PDLIM1: variants seen among roughly 807,000 people sequenced by gnomAD.
PDLIM1 encodes the protein PDZ and LIM domain protein 1.
PDLIM1 carries 25 observed loss-of-function variants against 35.2 expected under a neutral mutation model. The ratio of observed to expected loss-of-function variants is 0.71; its 90% CI spans 0.52 to 0.99. The LOEUF (loss-of-function observed/expected upper bound fraction) is 0.99, where lower values mean the gene tolerates loss of function less well. Among genes scored for constraint, PDLIM1 ranks in the 50% least tolerant of loss-of-function variants. The pLI, the probability that PDLIM1 is intolerant of heterozygous loss-of-function variation, is 0.00. For synonymous variants in PDLIM1, 152 were observed against 154.0 expected, an observed-to-expected ratio of 0.99 and a Z score of 0.10; for missense variants, 363 against 415.3, an observed-to-expected ratio of 0.87 and a Z score of 1.09.
intron 4 of PDLIM1, among the ~76,000 whole-genome samples, chr10:95,258,879 C>T (rs780746514): frequency 6.6e-5 from 10 of 152,048 alleles, no homozygotes; most frequent in Non-Finnish European, 1.5e-4. Context: ...ACTATTGATA[C>T]ATAAACCTAT....
intron 4 of PDLIM1, among the ~76,000 whole-genome samples, chr10:95,258,729 A>C (rs1324844121): frequency 6.6e-6 from 1 of 152,188 alleles, no homozygotes; most frequent in Non-Finnish European, 1.5e-5. Flanking sequence ...TCAGGATAAA[A>C]AAGTTCTAGA....
At chr10:95,250,156 T>C (rs914393191) in intron 4 of PDLIM1, among the ~76,000 whole-genome samples, 2 of 152,210 alleles carry the variant, frequency 1.3e-5, no homozygotes, top group African/African-American at 4.8e-5. Context: ...GGATAAATCT[T>C]TTTTCTATTA....
chr10:95,281,548 T>C (rs1457088881), intron 1 of PDLIM1, among the ~76,000 whole-genome samples: 4 of 152,212 alleles, frequency 2.6e-5, no homozygotes, highest in East Asian at 1.9e-4. Context: ...GCTTGGGCAA[T>C]AGAGCAGGAT....
intron 3 of PDLIM1, among the ~76,000 whole-genome samples, chr10:95,268,527 G>C (rs914876359): frequency 2.6e-5 from 4 of 152,190 alleles, no homozygotes; most frequent in Non-Finnish European, 5.9e-5. Context: ...GCTTCCACCG[G>C]CTTCCCTTAT....
chr10:95,263,891 G>A lies in PDLIM1; in HGVS notation c.506C>T (p.Ala169Val). The change falls in exon 4 of 7, where the codon GCC becomes GTC. Residue 169 changes from alanine (A) to valine (V), a missense_variant. Transcript: ENST00000329399. ...TCTGCTGTTCGCCTCCACCCCGCTG[G>A]CAGCAGTCTTTGACTCCAGGGCATT... ...FNNALESKTA[A>V]SGVEANSRPL... 6.2e-7 allele frequency: 1 copy of A among 1,613,680 alleles called. No homozygotes were observed. Among genetic ancestry groups the A allele is most frequent in the Non-Finnish European group, 8.5e-7 (1 of 1,179,868 alleles).
At chr10:95,238,180 G>A in intron 6 of PDLIM1, 69 bp from the exon 7 acceptor site, 1 of 1,386,510 alleles carries the variant, frequency 7.2e-7, no homozygotes, top group Non-Finnish European at 1.0e-6. Context: ...TGAGCAGGTG[G>A]CACCATCCTT....
rs1430334300 is a variant in PDLIM1 at position 95,256,982 on chromosome 10, A to AGAAAG, written c.533+6881_533+6882insCTTTC. Among the ~76,000 whole-genome samples the AGAAAG allele has an allele frequency of 2.6e-4, 8 of 31,042 alleles. No homozygotes were observed. In the East Asian group the frequency reaches 5.5e-3, roughly 21 times the overall value. The allele number at this position is 31,042 out of a possible 152,430, so 20.4% of individuals were successfully genotyped here. ...AGAATGAGACTTCATCTTAAAAAAA[A>AGAAAG]AAAAAAAGAAAGAAAGAAAGAAAGA... On this transcript the variant is annotated intron_variant, in intron 4 of 6. Coordinates refer to ENST00000329399, the MANE Select transcript of PDLIM1 (RefSeq NM_020992.4).
chr10:95,253,171 ACAG>A (rs1052030594), intron 4 of PDLIM1, among the ~76,000 whole-genome samples: 7 of 152,174 alleles, frequency 4.6e-5, no homozygotes, highest in African/African-American at 1.4e-4. Flanking sequence ...AATTCAAAAG[ACAG>A]CAGATTTCTT....
At chr10:95,250,842 T>C (rs1205430081) in intron 4 of PDLIM1, among the ~76,000 whole-genome samples, 1 of 152,210 alleles carries the variant, frequency 6.6e-6, no homozygotes, top group Non-Finnish European at 1.5e-5. Flanking sequence ...AGCTGATGTG[T>C]ATCTGTTTCC....
intron 4 of PDLIM1, among the ~76,000 whole-genome samples, chr10:95,257,246 G>C (rs147957466): frequency 6.6e-6 from 1 of 151,704 alleles, no homozygotes; most frequent in East Asian, 1.9e-4. Flanking sequence ...AATAAAAAAA[G>C]CTTCCTAACA....
chr10:95,275,815 A>T lies in PDLIM1; in HGVS notation c.97-4031T>A, dbSNP rs1210385687. Among the ~76,000 whole-genome samples, 4 of 152,310 alleles carry T rather than the reference A, an allele frequency of 2.6e-5. No individual in the cohort carries two copies. The East Asian group carries it at 7.7e-4, about 29-fold the overall frequency. On this transcript the variant is annotated intron_variant, in intron 1 of 6. Coordinates refer to ENST00000329399, the MANE Select transcript of PDLIM1 (RefSeq NM_020992.4). The stretch of plus-strand genomic sequence containing the variant: ...AGTATATCCCAACAGGTCCTGGACA[A>T]GCTAGAACCAGTCTTAGGCGCCCCA...
At chr10:95,258,236 G>A (rs879367587) in intron 4 of PDLIM1, among the ~76,000 whole-genome samples, 5 of 151,840 alleles carry the variant, frequency 3.3e-5, no homozygotes, top group Admixed American at 6.6e-5. Context: ...ATGGGATCTC[G>A]GCGGGGACAC....
At chr10:95,247,909 T>C (rs1296650279) in intron 4 of PDLIM1, among the ~76,000 whole-genome samples, 1 of 152,258 alleles carries the variant, frequency 6.6e-6, no homozygotes, top group Non-Finnish European at 1.5e-5. Flanking sequence ...GTACTTTCCT[T>C]GCCTGGTTCA....
chr10:95,271,266 A>C (rs532974076), intron 2 of PDLIM1, among the ~76,000 whole-genome samples: 3 of 151,424 alleles, frequency 2.0e-5, no homozygotes, highest in African/African-American at 7.3e-5. Flanking sequence ...GTGAAACCCC[A>C]TCTCTACTAA....
At chr10:95,267,716 G>C (rs917112367) in intron 3 of PDLIM1, among the ~76,000 whole-genome samples, 1 of 152,122 alleles carries the variant, frequency 6.6e-6, no homozygotes, top group Admixed American at 6.5e-5. Flanking sequence ...TATACCAAGT[G>C]AGTTCAACTT....
rs56893525 is a variant in PDLIM1 at position 95,265,593 on chromosome 10, C to CAAA, written c.334-1533_334-1531dup. On this transcript the variant is annotated intron_variant, in intron 3 of 6. Transcript: ENST00000329399. ...CTGGGCAACGAGAGTGGAACTCTGT[C>CAAA]AAAAAAAAAAAAAAAAAAAAAAAAA... Among the ~76,000 whole-genome samples, 7 of 83,996 alleles carry CAAA rather than the reference C, an allele frequency of 8.3e-5. No individual in the cohort carries two copies. In the East Asian group the frequency reaches 2.7e-3, roughly 33 times the overall value. 55.1% of individuals were successfully genotyped at this position (83,996 alleles called of 152,430 possible).
intron 4 of PDLIM1, among the ~76,000 whole-genome samples, chr10:95,262,578 C>T (rs552210399): frequency 7.2e-5 from 11 of 152,266 alleles, no homozygotes; most frequent in Admixed American, 2.6e-4. Flanking sequence ...CAGGAATGCA[C>T]GCTCCAGCTG....
chr10:95,259,271 ATTAATT>A (rs1205690825), intron 4 of PDLIM1, among the ~76,000 whole-genome samples: 3 of 152,222 alleles, frequency 2.0e-5, no homozygotes. Flanking sequence ...AAAAATTTTA[ATTAATT>A]TTAAGAAATA....
intron 1 of PDLIM1, among the ~76,000 whole-genome samples, chr10:95,281,537 A>G (rs1340925299): frequency 6.6e-6 from 1 of 152,264 alleles, no homozygotes. Flanking sequence ...ACTACACTCC[A>G]GCTTGGGCAA....
Sources: gnomAD v4.1 joint callset for allele counts (sites outside exome capture counted in the v4.1 genomes callset) on GRCh38, gnomAD v4.1.1 for gene constraint, MANE v1.5 for transcripts, NCBI Gene and HGNC (gene_info 2026-07-23, HGNC 2026-07-21) for gene names.